The following PDCD5 variants were observed in gnomAD, a reference collection of about 807,000 sequenced individuals.
PDCD5 encodes the protein programmed cell death protein 5.
Under a neutral mutation model 21.9 loss-of-function variants are expected in PDCD5, and 23 were observed. That is an observed-to-expected ratio of 1.05 (90% CI 0.76 to 1.49). The LOEUF (loss-of-function observed/expected upper bound fraction) is 1.49, where lower values mean the gene tolerates loss of function less well. Among genes scored for constraint, PDCD5 ranks in the 40% most tolerant of loss-of-function variants. The pLI is 0.00. For synonymous variants in PDCD5, 45 were observed against 49.4 expected, an observed-to-expected ratio of 0.91 and a Z score of 0.37; for missense variants, 152 against 147.7, an observed-to-expected ratio of 1.03 and a Z score of -0.15.
chr19:32,585,831 T>G lies in PDCD5; in HGVS notation c.182T>G (p.Leu61Arg). The G allele has an allele frequency of 6.3e-7, 1 of 1,598,806 alleles. No individual in the cohort carries two copies. The change falls in exon 4 of 6, where the codon CTT becomes CGT. Residue 61 changes from leucine to arginine, a missense_variant. Coordinates refer to ENST00000590247, the MANE Select transcript of PDCD5 (RefSeq NM_004708.4). ...TTCTTTTTAGTAAGTAACTTAGCACTTGTAAAGCCTGAAAAAACTAAAGCA... is the reference window on the plus strand; with the variant it reads ...TTCTTTTTAGTAAGTAACTTAGCACGTGTAAAGCCTGAAAAAACTAAAGCA... ...SARARLSNLA[L>R]VKPEKTKAVE...
At chr19:32,586,545 C>T (rs946190747) in intron 4 of PDCD5, 10 of 1,118,944 alleles carry the variant, frequency 8.9e-6, no homozygotes, top group Middle Eastern at 3.9e-4. Context: ...CACCAAACAC[C>T]GTGGTATATG....
chr19:32,582,596 C>T (rs900735405), intron 2 of PDCD5, among the ~76,000 whole-genome samples: 3 of 152,150 alleles, frequency 2.0e-5, no homozygotes, highest in Non-Finnish European at 2.9e-5. Flanking sequence ...TGTTTTATCC[C>T]AACACAGCGC....
chr19:32,585,054 A>AG, intron 3 of PDCD5, 43 bp downstream of exon 3: 1 of 1,387,306 alleles, frequency 7.2e-7, no homozygotes, highest in Non-Finnish European at 1.0e-6. Flanking sequence ...AGCTTGAGTT[A>AG]GTTGAATGGG....
At position 32,586,910 on chromosome 19, in the gene PDCD5, A is replaced by G. The variant is rs371635048; in HGVS notation, c.311A>G (p.Glu104Gly). The G allele has an allele frequency of 6.2e-7, 1 of 1,612,316 alleles. No homozygotes were observed. The highest frequency in any genetic ancestry group is 8.5e-7 in the Non-Finnish European group (1 of 1,179,078). The change falls in exon 5 of 6, where the codon GAA (glutamate) becomes GGA (glycine). Residue 104 changes from glutamate to glycine, a missense_variant. By Grantham distance (98) the Glu-to-Gly change is moderately conservative (BLOSUM62 -2). Transcript: ENST00000590247. ...CTTAAAAAAGTAAGCCAACAAACAG[A>G]AAAGACAACAACAGTGAAAGTAAGT... ...EILKKVSQQT[E>G]KTTTVKFNRR...
Position 32,582,247 on chromosome 19 carries a change from C to A in PDCD5, c.104+15C>A. 2 of 1,607,532 alleles carry A rather than the reference C, an allele frequency of 1.2e-6. No homozygotes were observed. Among genetic ancestry groups the A allele is most frequent in the East Asian group, 2.2e-5 (1 of 44,830 alleles). On this transcript the variant is annotated intron_variant, in intron 2 of 5. Coordinates refer to ENST00000590247, the MANE Select transcript of PDCD5 (RefSeq NM_004708.4). Reference sequence around the variant, plus strand: ...GCAAAGCACAGGTATGGGCTGGAAACGTGAACTTTTTGAAGGGTGGTTTCA... The same window carrying A: ...GCAAAGCACAGGTATGGGCTGGAAAAGTGAACTTTTTGAAGGGTGGTTTCA...
In PDCD5 at chr19:32,585,868, C is replaced by G; in HGVS notation, c.219C>G (p.Tyr73Ter). 1 of 1,611,618 alleles carries G rather than the reference C, an allele frequency of 6.2e-7. No individual in the cohort carries two copies. Among genetic ancestry groups the G allele is most frequent in the Non-Finnish European group, 8.5e-7 (1 of 1,177,774 alleles). Residue 73 changes from tyrosine (Y) to a stop codon, truncating the protein, a stop_gained, in exon 4 of 6, where the codon TAC (tyrosine) becomes TAG (stop). Coordinates refer to ENST00000590247, the MANE Select transcript of PDCD5 (RefSeq NM_004708.4). LOFTEE classifies it high-confidence loss of function. Reference sequence around the variant, plus strand: ...AAAAAACTAAAGCAGTAGAGAATTACCTTATACAGATGGCAAGATATGGAC... The same window carrying G: ...AAAAAACTAAAGCAGTAGAGAATTAGCTTATACAGATGGCAAGATATGGAC... ...KPEKTKAVEN[Y>*]LIQMARYGQL...
rs966511889 is a variant in PDCD5, at chr19:32,581,522, C to A, written c.66+195C>A. 19 of 373,734 alleles carry A rather than the reference C, an allele frequency of 5.1e-5. No homozygotes were observed. The East Asian group carries it at 6.5e-4, about 13-fold the overall frequency. The allele number at this position is 373,734 out of a possible 1,614,324, so 23.2% of individuals were successfully genotyped here. ...CGTCGCGAGGGGCCCAGGAGGCTGGCGGCGGGGGCCGCCACGTGCGGGACC... is the reference window on the plus strand; with the variant it reads ...CGTCGCGAGGGGCCCAGGAGGCTGGAGGCGGGGGCCGCCACGTGCGGGACC... On this transcript the variant is annotated intron_variant, in intron 1 of 5. Transcript: ENST00000590247.
At position 32,581,287 on chromosome 19, in the gene PDCD5, TGAG is replaced by T; in HGVS notation, c.30_32del (p.Arg11del). On this transcript the variant is annotated inframe_deletion, in exon 1 of 6. Coordinates refer to ENST00000590247, the MANE Select transcript of PDCD5 (RefSeq NM_004708.4). ...ATGGCGGACGAGGAGCTTGAGGCGC[TGAG>T]GAGACAGAGGCTGGCCGAGCTGCAG... 6.5e-7 allele frequency: 1 copy of T among 1,531,034 alleles called. No individual in the cohort carries two copies. Among genetic ancestry groups the T allele is most frequent in the South Asian group, 1.2e-5 (1 of 81,956 alleles). 94.8% of individuals were successfully genotyped at this position (1,531,034 alleles called of 1,614,324 possible).
At position 32,587,136 on chromosome 19, in the gene PDCD5, C is replaced by T. The variant is rs78232320; in HGVS notation, c.331-117C>T. ...ACTCCATTCCCACCCTTTTAGTTCACGCTAAGTTGCTTTAAAGACACAAAT... is the reference window on the plus strand; with the variant it reads ...ACTCCATTCCCACCCTTTTAGTTCATGCTAAGTTGCTTTAAAGACACAAAT... On this transcript the variant is annotated intron_variant, in intron 5 of 5. Transcript: ENST00000590247. 17,962 of 891,634 alleles carry T rather than the reference C, an allele frequency of 0.02. 1,479 individuals carry two copies. In the East Asian group the frequency reaches 0.25, roughly 12 times the overall value. The allele number at this position is 891,634 out of a possible 1,614,324, so 55.2% of individuals were successfully genotyped here.
At chr19:32,584,183 A>G (rs1156383478) in intron 2 of PDCD5, among the ~76,000 whole-genome samples, 1 of 152,168 alleles carries the variant, frequency 6.6e-6, no homozygotes, top group Non-Finnish European at 1.5e-5. Context: ...CAAACCATAA[A>G]GAAGTGGCCT....
At chr19:32,586,422 G>A in intron 4 of PDCD5, 2 of 1,136,322 alleles carry the variant, frequency 1.8e-6, no homozygotes, top group Non-Finnish European at 2.2e-6. Context: ...CCCTCACACT[G>A]AGAACTGCTT....
Position 32,581,273 on chromosome 19 carries a change from G to C in PDCD5, c.12G>C (p.Glu4Asp). 6.6e-7 allele frequency: 1 copy of C among 1,526,540 alleles called. No homozygotes were observed. Among genetic ancestry groups the C allele is most frequent in the Non-Finnish European group, 8.8e-7 (1 of 1,141,260 alleles). 94.6% of individuals were successfully genotyped at this position (1,526,540 alleles called of 1,614,324 possible). A position where few individuals can be genotyped will look rare whatever the true frequency, so the allele number is the denominator to read the frequency against. Residue 4 changes from glutamate to aspartate, a missense_variant, in exon 1 of 6, where the codon GAG (glutamate) becomes GAC (aspartate). Glu to Asp is a conservative substitution (Grantham distance 45). Coordinates refer to ENST00000590247, the MANE Select transcript of PDCD5 (RefSeq NM_004708.4). MAD[E>D]ELEALRRQRL... ...GCTGACGCCGAGCCATGGCGGACGA[G>C]GAGCTTGAGGCGCTGAGGAGACAGA...
chr19:32,582,148 C>T, intron 1 of PDCD5, 47 bp from the exon 2 acceptor site: 2 of 1,421,144 alleles, frequency 1.4e-6, no homozygotes, highest in Non-Finnish European at 2.0e-6. Flanking sequence ...TTTTTCCCGC[C>T]GCCTCCCGTG....
chr19:32,586,336 C>G, intron 4 of PDCD5: 1 of 1,289,220 alleles, frequency 7.8e-7, no homozygotes, highest in Non-Finnish European at 9.9e-7. Flanking sequence ...CCTTTGAGAT[C>G]AAGACGAACC....
rs940300627 is a variant in PDCD5 at position 32,586,320 on chromosome 19, A to C, written c.258+413A>C. On this transcript the variant is annotated intron_variant, in intron 4 of 5. Coordinates refer to ENST00000590247, the MANE Select transcript of PDCD5 (RefSeq NM_004708.4). ...TACCATGAGGGGTATGTTGTGGCAA[A>C]CCTGGCCTTTGAGATCAAGACGAAC... The C allele has an allele frequency of 3.8e-6, 5 of 1,322,072 alleles. No homozygotes were observed. The African/African-American group carries it at 7.4e-5, about 20-fold the overall frequency. 81.9% of individuals were successfully genotyped at this position (1,322,072 alleles called of 1,614,324 possible).
chr19:32,586,887 TAAA>T lies in PDCD5; in HGVS notation c.292_294del (p.Lys98del), dbSNP rs1373819281. ...CAGAACAAGGTTTAATAGAAATCCTTAAAAAAGTAAGCCAACAAACAGAAAAGA... is the reference window on the plus strand; with the variant it reads ...CAGAACAAGGTTTAATAGAAATCCTTAAAGTAAGCCAACAAACAGAAAAGA... On this transcript the variant is annotated inframe_deletion, in exon 5 of 6. Transcript: ENST00000590247. The T allele has an allele frequency of 6.2e-7, 1 of 1,612,486 alleles. No homozygotes were observed. Among genetic ancestry groups the T allele is most frequent in the Non-Finnish European group, 8.5e-7 (1 of 1,179,530 alleles).
In PDCD5 at chr19:32,581,328, G is replaced by A; in HGVS notation, c.66+1G>A. On this transcript the variant is annotated splice_donor_variant, in intron 1 of 5. Coordinates refer to ENST00000590247, the MANE Select transcript of PDCD5 (RefSeq NM_004708.4). LOFTEE classifies it high-confidence loss of function. The stretch of plus-strand genomic sequence containing the variant: ...GGCCGAGCTGCAGGCCAAACACGGG[G>A]TGAGCGCATCAGCCCCCGCCAGGCT... 1 of 1,510,986 alleles carries A rather than the reference G, an allele frequency of 6.6e-7. No homozygotes were observed. Among genetic ancestry groups the A allele is most frequent in the East Asian group, 2.7e-5 (1 of 36,976 alleles). 93.6% of individuals were successfully genotyped at this position (1,510,986 alleles called of 1,614,324 possible). A position where few individuals can be genotyped will look rare whatever the true frequency, so the allele number is the denominator to read the frequency against.
At chr19:32,582,275 A>G (rs1175404044) in intron 2 of PDCD5, 43 bp downstream of exon 2, 2 of 1,539,514 alleles carry the variant, frequency 1.3e-6, no homozygotes, top group Non-Finnish European at 9.0e-7. Flanking sequence ...TGGTTTCACC[A>G]AATGGATTTC....
chr19:32,584,127 T>A (rs891402830), intron 2 of PDCD5, among the ~76,000 whole-genome samples: 1 of 152,118 alleles, frequency 6.6e-6, no homozygotes, highest in Non-Finnish European at 1.5e-5. Context: ...CCACCATGCC[T>A]GGCCTAGACC....
Sources: gnomAD v4.1 joint callset for allele counts (sites outside exome capture counted in the v4.1 genomes callset) on GRCh38, gnomAD v4.1.1 for gene constraint, MANE v1.5 for transcripts, NCBI Gene and HGNC (gene_info 2026-07-23, HGNC 2026-07-21) for gene names.